The following OPCML variants were observed in gnomAD, a reference collection of about 807,000 sequenced individuals.
OPCML encodes opioid-binding protein/cell adhesion molecule.
OPCML carries 13 observed loss-of-function variants against 37.8 expected under a neutral mutation model. The observed-to-expected ratio is 0.34, with a 90% CI of 0.22 to 0.55. The LOEUF is 0.55. Ranked by LOEUF, OPCML falls within the 20% of genes least tolerant of loss-of-function variation. OPCML has a pLI of 0.91. For synonymous variants in OPCML, 176 were observed against 168.8 expected (o/e 1.04, Z -0.33); for missense variants, 341 against 435.6 (o/e 0.78, Z 1.93).
At chr11:132,900,138 C>T (rs1026935023) in intron 2 of OPCML, among the ~76,000 whole-genome samples, 2 of 152,162 alleles carry the variant, frequency 1.3e-5, no homozygotes, top group Non-Finnish European at 2.9e-5. Context: ...TTTATCAGCT[C>T]TTAACTGCAA....
rs575183244 is a variant in OPCML at position 132,703,864 on chromosome 11, G to A, written c.147-46545C>T. On this transcript the variant is annotated intron_variant, in intron 2 of 7. Transcript: ENST00000524381. ...CAGCCTGAGTCCATGAATCTAGCCT[G>A]GTGCTGAGGCAGGCCTGGCATCTGG... Among the ~76,000 whole-genome samples the A allele has an allele frequency of 2.0e-5, 3 of 152,306 alleles. No individual in the cohort carries two copies. The South Asian group carries it at 6.2e-4, about 32-fold the overall frequency.
chr11:133,055,312 T>C (rs1353435916), intron 1 of OPCML, among the ~76,000 whole-genome samples: 1 of 149,984 alleles, frequency 6.7e-6, no homozygotes, highest in Non-Finnish European at 1.5e-5. Context: ...GCCTCCATGA[T>C]ACTTCCAAGT....
intron 1 of OPCML, among the ~76,000 whole-genome samples, chr11:133,194,872 A>G (rs970066614): frequency 1.3e-5 from 2 of 152,268 alleles, no homozygotes; most frequent in Admixed American, 1.3e-4. Flanking sequence ...GGTTTTGTTC[A>G]GCTGGCTTCC....
chr11:133,140,464 G>A (rs1219405024), intron 1 of OPCML, among the ~76,000 whole-genome samples: 34 of 146,984 alleles, frequency 2.3e-4, no homozygotes, highest in Non-Finnish European at 4.2e-4. Flanking sequence ...GCAGTGAGCC[G>A]AGATTGCACC....
At chr11:133,030,857 G>A (rs957962542) in intron 1 of OPCML, among the ~76,000 whole-genome samples, 27 of 151,706 alleles carry the variant, frequency 1.8e-4, no homozygotes, top group African/African-American at 5.1e-4. Flanking sequence ...GCATTCCATC[G>A]TCCTTTGCAC....
intron 1 of OPCML, among the ~76,000 whole-genome samples, chr11:133,442,418 C>T (rs1170048067): frequency 6.6e-6 from 1 of 151,944 alleles, no homozygotes; most frequent in African/African-American, 2.4e-5. Flanking sequence ...TACTACTTGA[C>T]CCAAGAATTC....
chr11:133,123,361 G>A (rs1023342866), intron 1 of OPCML, among the ~76,000 whole-genome samples: 14 of 152,136 alleles, frequency 9.2e-5, no homozygotes, highest in African/African-American at 2.7e-4. Flanking sequence ...GGACCATATT[G>A]TTGTTTATCA....
chr11:133,045,224 G>A (rs1415301366), intron 1 of OPCML, among the ~76,000 whole-genome samples: 1 of 152,140 alleles, frequency 6.6e-6, no homozygotes, highest in Non-Finnish European at 1.5e-5. Context: ...TGGCAGGATG[G>A]ATTCTGATTC....
At chr11:132,544,902 T>C (rs1016392793) in intron 3 of OPCML, among the ~76,000 whole-genome samples, 3 of 152,136 alleles carry the variant, frequency 2.0e-5, no homozygotes, top group African/African-American at 4.8e-5. Context: ...GGTAGGAGCA[T>C]GGCCTTGAGA....
At chr11:132,547,248 G>A (rs6590642) in intron 3 of OPCML, among the ~76,000 whole-genome samples, 11,340 of 152,186 alleles carry the variant, frequency 0.075, 849 homozygotes, top group African/African-American at 0.18. Context: ...TGGGGGAGAT[G>A]CCATAAGTCA....
At chr11:133,440,411 A>G (rs550515072) in intron 1 of OPCML, among the ~76,000 whole-genome samples, 9 of 149,410 alleles carry the variant, frequency 6.0e-5, no homozygotes, top group East Asian at 5.9e-4. Flanking sequence ...AAAAAAAAAA[A>G]AAAGAAAGAA....
intron 3 of OPCML, among the ~76,000 whole-genome samples, chr11:132,598,094 T>C (rs2096495311): frequency 6.6e-6 from 1 of 152,178 alleles, no homozygotes; most frequent in Non-Finnish European, 1.5e-5. Context: ...CAATAATTAT[T>C]AAACATATAC....
At position 132,457,168 on chromosome 11, in the gene OPCML, C is replaced by T. The variant is rs191452176; in HGVS notation, c.506-19809G>A. 2.1e-3 allele frequency among the ~76,000 whole-genome samples: 325 copies of T among 152,216 alleles called. 1 individual carries two copies. Among genetic ancestry groups the T allele is most frequent in the African/African-American group, 7.1e-3 (295 of 41,552 alleles). ...AGGGCATTCCAGGCAGCAGAGGTAC[C>T]GTGTCACGAAGCACAGAGATAGAGG... On this transcript the variant is annotated intron_variant, in intron 4 of 7. Coordinates refer to ENST00000524381, the MANE Select transcript of OPCML (RefSeq NM_001012393.5).
intron 4 of OPCML, among the ~76,000 whole-genome samples, chr11:132,459,646 C>T (rs1001227941): frequency 6.6e-6 from 1 of 151,554 alleles, no homozygotes; most frequent in Non-Finnish European, 1.5e-5. Flanking sequence ...CTCCACATAT[C>T]ATTTTGGAAC....
intron 2 of OPCML, among the ~76,000 whole-genome samples, chr11:132,933,978 G>A (rs1945291202): frequency 6.6e-6 from 1 of 152,096 alleles, no homozygotes; most frequent in African/African-American, 2.4e-5. Context: ...CATCACAGGA[G>A]GTTCCAAACA....
intron 3 of OPCML, among the ~76,000 whole-genome samples, chr11:132,534,595 C>T (rs773587824): frequency 6.6e-6 from 1 of 152,102 alleles, no homozygotes; most frequent in Non-Finnish European, 1.5e-5. Flanking sequence ...TCAGCCCCAC[C>T]CTGCATAAAG....
At chr11:132,747,995 G>T (rs755874214) in intron 2 of OPCML, among the ~76,000 whole-genome samples, 2 of 151,250 alleles carry the variant, frequency 1.3e-5, no homozygotes, top group African/African-American at 2.4e-5. Context: ...ACCAAATCCT[G>T]ATCTTACTCC....
chr11:132,645,923 G>T (rs1941125678), intron 3 of OPCML, among the ~76,000 whole-genome samples: 2 of 152,176 alleles, frequency 1.3e-5, no homozygotes. Context: ...CTTTCTGTAG[G>T]ATTTGGATAT....
chr11:133,427,233 T>C (rs992241374), intron 1 of OPCML, among the ~76,000 whole-genome samples: 14 of 152,144 alleles, frequency 9.2e-5, no homozygotes, highest in African/African-American at 3.4e-4. Flanking sequence ...CAATAAATTC[T>C]TAGTAGCAGA....
Sources: gnomAD v4.1 joint callset for allele counts (sites outside exome capture counted in the v4.1 genomes callset) on GRCh38, gnomAD v4.1.1 for gene constraint, MANE v1.5 for transcripts, NCBI Gene and HGNC (gene_info 2026-07-23, HGNC 2026-07-21) for gene names.